ZFPM1: variants seen among roughly 807,000 people sequenced by gnomAD.
ZFPM1 encodes zinc finger protein, FOG family member 1, also known as zinc finger protein ZFPM1.
Under a neutral mutation model 46.3 loss-of-function variants are expected in ZFPM1, and 28 were observed. That is an observed-to-expected ratio of 0.60 (90% CI 0.45 to 0.83). ZFPM1 has a LOEUF of 0.83. Among genes scored for constraint, ZFPM1 ranks in the 40% least tolerant of loss-of-function variants. ZFPM1 has a pLI of 0.00. For synonymous variants in ZFPM1, 957 were observed against 675.9 expected, an observed-to-expected ratio of 1.42 and a Z score of -6.45; for missense variants, 1,878 against 1,432.4, an observed-to-expected ratio of 1.31 and a Z score of -5.02.
At chr16:88,532,436 T>C (rs1912862002) in intron 7 of ZFPM1, among the ~76,000 whole-genome samples, 178 bp from the exon 8 acceptor site, 1 of 152,100 alleles carries the variant, frequency 6.6e-6, no homozygotes, top group African/African-American at 2.4e-5. Context: ...AGCTGAGGGC[T>C]GGGCCCACTG....
At chr16:88,452,448 A>G (rs1907317489), upstream of ZFPM1, among the ~76,000 whole-genome samples, 1 of 152,118 alleles carries the variant, frequency 6.6e-6, no homozygotes, top group South Asian at 2.1e-4. Context: ...AAGAGGCCCC[A>G]AGTGGCAACG....
At chr16:88,517,402 A>G (rs1911402361) in intron 4 of ZFPM1, among the ~76,000 whole-genome samples, 2 of 143,240 alleles carry the variant, frequency 1.4e-5, no homozygotes, top group East Asian at 2.1e-4. Flanking sequence ...ATGCATGGGT[A>G]GATGGATGGG....
chr16:88,521,705 T>TCTCCCCTGTGCTGTTCCCC (rs1332466267), intron 4 of ZFPM1, among the ~76,000 whole-genome samples: 1 of 75,772 alleles, frequency 1.3e-5, no homozygotes. Context: ...TGCTGTTCCC[T>TCTCCCCTGTGCTGTTCCCC]CTCCCCTGTG....
intron 2 of ZFPM1, among the ~76,000 whole-genome samples, chr16:88,487,974 G>C (rs147354174): frequency 1.3e-5 from 2 of 152,244 alleles, no homozygotes; most frequent in African/African-American, 2.4e-5. Context: ...CACGCTGCTC[G>C]TGGTACAGCC....
intron 4 of ZFPM1, chr16:88,515,995 G>A (rs79537664): frequency 0.018 from 7,041 of 396,820 alleles, 450 homozygotes; most frequent in African/African-American, 0.13. Context: ...GAGACCAAGG[G>A]CAAAGACCGT....
chr16:88,533,331 C>A lies in ZFPM1; in HGVS notation c.1373C>A (p.Ala458Asp). The A allele has an allele frequency of 6.5e-7, 1 of 1,531,460 alleles. No individual in the cohort carries two copies. The highest frequency in any genetic ancestry group is 8.8e-7 in the Non-Finnish European group (1 of 1,142,646). 94.9% of individuals were successfully genotyped at this position (1,531,460 alleles called of 1,614,324 possible). A position where few individuals can be genotyped will look rare whatever the true frequency, so the allele number is the denominator to read the frequency against. Reference protein sequence around the residue: ...QNGGSSEPPAAPRSIKVEAVE... With the variant: ...QNGGSSEPPADPRSIKVEAVE... Reference sequence around the variant, plus strand: ...GGAGGCAGCAGCGAGCCCCCGGCGGCCCCCAGGAGCATCAAGGTGGAGGCG... The same window carrying A: ...GGAGGCAGCAGCGAGCCCCCGGCGGACCCCAGGAGCATCAAGGTGGAGGCG... Residue 458 changes from alanine (A) to aspartate (D), a missense_variant, in exon 10 of 10, where the codon GCC becomes GAC. Transcript: ENST00000319555.
At chr16:88,501,857 TG>T (rs1910361659) in intron 3 of ZFPM1, among the ~76,000 whole-genome samples, 1 of 152,122 alleles carries the variant, frequency 6.6e-6, no homozygotes, top group Admixed American at 6.5e-5. Context: ...CTGCCACTGC[TG>T]TTTGCCATGG....
In ZFPM1 at chr16:88,480,535, A is replaced by G. The variant is rs1597238905; in HGVS notation, c.41-5404A>G. Among the ~76,000 whole-genome samples, 1 of 152,058 alleles carries G rather than the reference A, an allele frequency of 6.6e-6. No individual in the cohort carries two copies. The highest frequency in any genetic ancestry group is 6.5e-5 in the Admixed American group (1 of 15,282). On this transcript the variant is annotated intron_variant, in intron 1 of 9. Coordinates refer to ENST00000319555, the MANE Select transcript of ZFPM1 (RefSeq NM_153813.3). The surrounding 1 kb of genome is among the most constrained non-coding windows in gnomAD (Gnocchi z 4.9). ...ACATGGGGCCTGGGCAGGCACCTGC[A>G]CCTCCACTTCCTCCCCTCTAGACCA...
intron 3 of ZFPM1, among the ~76,000 whole-genome samples, chr16:88,500,003 G>C (rs12232375): frequency 0.023 from 3,446 of 152,316 alleles, 74 homozygotes; most frequent in South Asian, 0.07. Context: ...GCTGCCTGCC[G>C]TGCTGCCCTC....
Position 88,534,499 on chromosome 16 carries a change from CGCGCTCG to C in ZFPM1, c.2544_2550del (p.Leu849CysfsTer155). 1 of 1,460,746 alleles carries C rather than the reference CGCGCTCG, an allele frequency of 6.8e-7. No homozygotes were observed. 90.5% of individuals were successfully genotyped at this position (1,460,746 alleles called of 1,614,324 possible). On this transcript the variant is annotated frameshift_variant, in exon 10 of 10. Transcript: ENST00000319555. LOFTEE classifies it low-confidence loss of function (END_TRUNC). ...CGTGCCCCGCTGCGCCACCGCCCGG[CGCGCTCG>C]GCCTGCCCGCCGCCGCCTGCCCCTA...
chr16:88,506,065 C>G (rs1404403684), intron 3 of ZFPM1, among the ~76,000 whole-genome samples: 2 of 152,086 alleles, frequency 1.3e-5, no homozygotes, highest in Non-Finnish European at 2.9e-5. Context: ...GCCTGGGGCT[C>G]TAGGCCAACC....
chr16:88,533,656 G>T lies in ZFPM1; in HGVS notation c.1698G>T (p.Gln566His). The change falls in exon 10 of 10, where the codon CAG becomes CAT. Residue 566 changes from glutamine (Q) to histidine (H), a missense_variant. Transcript: ENST00000319555. ...QGAGAGAGGA[Q>H]TGLFPGAPKG... Reference sequence around the variant, plus strand: ...CGGGCGCGGGCGCCGGCGGCGCGCAGACCGGGCTCTTCCCCGGGGCCCCCA... The same window carrying T: ...CGGGCGCGGGCGCCGGCGGCGCGCATACCGGGCTCTTCCCCGGGGCCCCCA... The T allele has an allele frequency of 6.8e-7, 1 of 1,478,194 alleles. No individual in the cohort carries two copies. The highest frequency in any genetic ancestry group is 9.0e-7 in the Non-Finnish European group (1 of 1,110,810). 91.6% of individuals were successfully genotyped at this position (1,478,194 alleles called of 1,614,324 possible).
intron 1 of ZFPM1, among the ~76,000 whole-genome samples, chr16:88,484,778 C>A (rs987870239): frequency 8.5e-5 from 13 of 152,182 alleles, no homozygotes; most frequent in Middle Eastern, 3.2e-3. Context: ...CATCACCAGC[C>A]CCGCCGGCGG....
intron 3 of ZFPM1, among the ~76,000 whole-genome samples, chr16:88,513,709 T>C (rs559152520): frequency 1.3e-3 from 199 of 152,220 alleles, no homozygotes; most frequent in Admixed American, 6.5e-3. Context: ...GGCAGCAGAG[T>C]GTGTCCTTGC....
intron 3 of ZFPM1, among the ~76,000 whole-genome samples, chr16:88,492,397 G>C (rs1268563127): frequency 6.6e-6 from 1 of 152,142 alleles, no homozygotes; most frequent in Non-Finnish European, 1.5e-5. Context: ...AGGCGGCCTG[G>C]GAGGTGCCGT....
rs1363175152 is a variant in ZFPM1 at position 88,501,102 on chromosome 16, GTGA to G, written c.268+11955_268+11957del. On this transcript the variant is annotated intron_variant, in intron 3 of 9. Transcript: ENST00000319555. ...TGCGGGGGCCCTCCCGCAGGTGCTGGTGATGATGGAGATAGCAGACATGGATGC... is the reference window on the plus strand; with the variant it reads ...TGCGGGGGCCCTCCCGCAGGTGCTGGTGATGGAGATAGCAGACATGGATGC... Among the ~76,000 whole-genome samples, 610 of 143,008 alleles carry G rather than the reference GTGA, an allele frequency of 4.3e-3. 34 individuals are homozygous for G. The highest frequency in any genetic ancestry group is 0.017 in the African/African-American group (586 of 35,388). The allele number at this position is 143,008 out of a possible 152,430, so 93.8% of individuals were successfully genotyped here.
At chr16:88,516,191 C>G in intron 4 of ZFPM1, 1 of 398,678 alleles carries the variant, frequency 2.5e-6, no homozygotes, top group Non-Finnish European at 4.4e-6. Flanking sequence ...GAAATAGAAC[C>G]CACATCTGCC....
At chr16:88,524,751 C>G (rs977741445) in intron 4 of ZFPM1, among the ~76,000 whole-genome samples, 1 of 152,270 alleles carries the variant, frequency 6.6e-6, no homozygotes. Flanking sequence ...GAGACTGCCC[C>G]AAAGGCTAAT....
chr16:88,456,421 C>T (rs1398431555), intron 1 of ZFPM1, among the ~76,000 whole-genome samples: 1 of 152,124 alleles, frequency 6.6e-6, no homozygotes, highest in African/African-American at 2.4e-5. Flanking sequence ...AGGTGGTTTC[C>T]ATGGCCCAGA....
Sources: allele counts gnomAD v4.1 joint callset (sites outside exome capture counted in the v4.1 genomes callset), GRCh38; gene constraint gnomAD v4.1.1; non-coding constraint Gnocchi (gnomAD v3.1); transcripts MANE v1.5; gene names NCBI Gene and HGNC (gene_info 2026-07-23, HGNC 2026-07-21).